The following RGS7 variants were observed in gnomAD, a reference collection of about 807,000 sequenced individuals.
RGS7 encodes regulator of G protein signaling 7.
A neutral mutation model predicts 81.1 loss-of-function variants in RGS7; 27 were observed. That is an observed-to-expected ratio of 0.33 (90% CI 0.25 to 0.46). The LOEUF (loss-of-function observed/expected upper bound fraction) is 0.46, where lower values mean the gene tolerates loss of function less well. Among genes scored for constraint, RGS7 ranks in the 20% least tolerant of loss-of-function variants. RGS7 has a pLI of 1.00. For missense variants in RGS7, 396 were observed against 607.4 expected (o/e 0.65, Z 3.66); for synonymous variants, 208 against 207.7 (o/e 1.00, Z -0.01).
At chr1:241,038,311 A>G (rs2060436626) in intron 3 of RGS7, among the ~76,000 whole-genome samples, 1 of 152,190 alleles carries the variant, frequency 6.6e-6, no homozygotes, top group African/African-American at 2.4e-5. Context: ...TATATCAAAT[A>G]GCAAATAGTA....
intron 6 of RGS7, among the ~76,000 whole-genome samples, chr1:240,888,956 T>A (rs1308959614): frequency 6.6e-6 from 1 of 152,050 alleles, no homozygotes; most frequent in African/African-American, 2.4e-5. Flanking sequence ...AGGTAACATT[T>A]GTTTTTGTTT....
chr1:241,179,860 T>C (rs57854478), intron 2 of RGS7, among the ~76,000 whole-genome samples: 34,245 of 107,476 alleles, frequency 0.32, 4,330 homozygotes, highest in African/African-American at 0.39. Context: ...CATACACACA[T>C]GAGGCACTTT....
chr1:240,859,440 G>GTTTTTT (rs5782167), intron 9 of RGS7, among the ~76,000 whole-genome samples: 6 of 110,826 alleles, frequency 5.4e-5, no homozygotes, highest in African/African-American at 1.4e-4. Context: ...TTTCTTTCCT[G>GTTTTTT]TTTTTTTTTT....
At position 241,324,060 on chromosome 1, in the gene RGS7, G is replaced by A. The variant is rs190549448; in HGVS notation, c.78+31639C>T. 3.1e-3 allele frequency among the ~76,000 whole-genome samples: 476 copies of A among 152,284 alleles called. 1 individual carries two copies. Among genetic ancestry groups the A allele is most frequent in the Non-Finnish European group, 5.2e-3 (356 of 68,022 alleles). On this transcript the variant is annotated intron_variant, in intron 2 of 18. Transcript: ENST00000440928. The stretch of plus-strand genomic sequence containing the variant: ...CTCAAAGGGTTGTTATGAGAAATGC[G>A]TGAGATGATGAATGTGTAGTGGTTA...
At chr1:241,092,824 G>A (rs2063975472) in intron 3 of RGS7, among the ~76,000 whole-genome samples, 1 of 149,262 alleles carries the variant, frequency 6.7e-6, no homozygotes, top group African/African-American at 2.5e-5. Flanking sequence ...TTACAATATA[G>A]CCCCCAACAA....
intron 6 of RGS7, among the ~76,000 whole-genome samples, 177 bp downstream of exon 6, chr1:240,930,540 T>C (rs1014109040): frequency 6.6e-6 from 1 of 152,134 alleles, no homozygotes. Flanking sequence ...GAGAAAGTTG[T>C]CACGAGGTCT....
intron 3 of RGS7, among the ~76,000 whole-genome samples, chr1:241,068,264 T>TAAAAAATAC (rs60506601): frequency 4.0e-5 from 4 of 100,732 alleles, no homozygotes; most frequent in East Asian, 4.3e-4. Context: ...ATATAAAATA[T>TAAAAAATAC]TGTGTATATA....
chr1:241,198,877 A>G (rs2073276726), intron 2 of RGS7, among the ~76,000 whole-genome samples: 1 of 152,202 alleles, frequency 6.6e-6, no homozygotes, highest in Non-Finnish European at 1.5e-5. Context: ...CAAGGACTTT[A>G]CAAGAAAAAT....
At chr1:241,062,923 A>G (rs2061823644) in intron 3 of RGS7, among the ~76,000 whole-genome samples, 1 of 152,204 alleles carries the variant, frequency 6.6e-6, no homozygotes, top group African/African-American at 2.4e-5. Context: ...GCACAGATCA[A>G]GTTTCCCCTT....
intron 3 of RGS7, among the ~76,000 whole-genome samples, chr1:241,093,098 TC>T (rs1451940289): frequency 6.6e-6 from 1 of 152,196 alleles, no homozygotes; most frequent in Non-Finnish European, 1.5e-5. Flanking sequence ...ATTGTTTTTT[TC>T]ATTAGAAACT....
chr1:241,315,107 C>T (rs138736281), intron 2 of RGS7, among the ~76,000 whole-genome samples: 956 of 57,074 alleles, frequency 0.017, no homozygotes, highest in Middle Eastern at 0.042. Context: ...TCTTCTTCTT[C>T]TTTTTTTTTT....
chr1:240,810,445 CT>C (rs5782164), intron 14 of RGS7, among the ~76,000 whole-genome samples: 1,989 of 124,552 alleles, frequency 0.016, 35 homozygotes, highest in African/African-American at 0.053. Flanking sequence ...TTAATGCATT[CT>C]TTTTTTTTTT....
chr1:241,011,938 T>C (rs1392924695), intron 3 of RGS7, among the ~76,000 whole-genome samples: 2 of 152,166 alleles, frequency 1.3e-5, no homozygotes, highest in African/African-American at 4.8e-5. Flanking sequence ...ACTCTGTCTA[T>C]GGAGTAGCTG....
intron 5 of RGS7, among the ~76,000 whole-genome samples, chr1:240,933,995 G>C (rs190771704): frequency 2.0e-5 from 3 of 151,748 alleles, no homozygotes; most frequent in African/African-American, 4.8e-5. Context: ...ATGGAGTCTC[G>C]CTCTGTCACC....
chr1:240,879,712 A>G (rs1346695889), intron 6 of RGS7, among the ~76,000 whole-genome samples: 1 of 152,184 alleles, frequency 6.6e-6, no homozygotes, highest in Admixed American at 6.5e-5. Context: ...AATCTCAGAA[A>G]CTGAACACTG....
intron 3 of RGS7, among the ~76,000 whole-genome samples, chr1:241,050,158 C>G (rs948886550): frequency 6.6e-6 from 1 of 152,156 alleles, no homozygotes; most frequent in Non-Finnish European, 1.5e-5. Context: ...AACGTGATCC[C>G]ATTATCAAGA....
At chr1:241,224,574 T>C (rs1254942730) in intron 2 of RGS7, among the ~76,000 whole-genome samples, 1 of 152,136 alleles carries the variant, frequency 6.6e-6, no homozygotes, top group Non-Finnish European at 1.5e-5. Flanking sequence ...ACCATAAAAG[T>C]TAAAGAAAAT....
At chr1:240,919,717 C>T in intron 6 of RGS7, 2 of 614,138 alleles carry the variant, frequency 3.3e-6, no homozygotes, top group Non-Finnish European at 5.9e-6. Context: ...GAGGGCTGAG[C>T]TTTGAAACAA....
At chr1:240,881,753 ATT>A (rs1021290720) in intron 6 of RGS7, among the ~76,000 whole-genome samples, 1 of 152,118 alleles carries the variant, frequency 6.6e-6, no homozygotes, top group Admixed American at 6.5e-5. Flanking sequence ...ATATTATAAA[ATT>A]TGTTTTTAAT....
Sources: gnomAD v4.1 joint callset for allele counts (sites outside exome capture counted in the v4.1 genomes callset) on GRCh38, gnomAD v4.1.1 for gene constraint, MANE v1.5 for transcripts, NCBI Gene and HGNC (gene_info 2026-07-23, HGNC 2026-07-21) for gene names.